The following LETMD1 variants were observed in gnomAD, a reference collection of about 807,000 sequenced individuals.
The protein encoded by LETMD1 is LETM1 domain containing 1, also known as LETM1 domain-containing protein 1.
A neutral mutation model predicts 43.9 loss-of-function variants in LETMD1; 30 were observed. That is an observed-to-expected ratio of 0.68 (90% CI 0.51 to 0.93). The LOEUF (loss-of-function observed/expected upper bound fraction) is 0.93. Ranked by LOEUF, LETMD1 falls within the 40% of genes least tolerant of loss-of-function variation. LETMD1 has a pLI of 0.00. For missense variants in LETMD1, 413 were observed against 447.7 expected, an observed-to-expected ratio of 0.92 and a Z score of 0.70; for synonymous variants, 176 against 163.1, an observed-to-expected ratio of 1.08 and a Z score of -0.60.
At chr12:51,058,404 G>C (rs951767133) in intron 8 of LETMD1, 2 of 393,450 alleles carry the variant, frequency 5.1e-6, no homozygotes, top group Admixed American at 8.3e-5. Flanking sequence ...GGAATATCCT[G>C]TGCTTTATTT....
downstream of LETMD1, chr12:51,063,645 A>G: frequency 1.1e-6 from 1 of 929,906 alleles, no homozygotes; most frequent in Non-Finnish European, 1.6e-6. Flanking sequence ...ATAAAATAAC[A>G]TGGGAGCAGC....
At chr12:51,049,485 G>A (rs561359760) in intron 2 of LETMD1, 6 of 296,646 alleles carry the variant, frequency 2.0e-5, no homozygotes, top group South Asian at 2.0e-4. Flanking sequence ...CCTTGCACAC[G>A]GCAGGGATCT....
intron 8 of LETMD1, 32 bp from the exon 9 acceptor site, chr12:51,059,329 C>G: frequency 1.2e-6 from 2 of 1,604,346 alleles, no homozygotes; most frequent in Non-Finnish European, 1.7e-6. Context: ...AGGCAGTGTT[C>G]CCAAGCCAAA....
downstream of LETMD1, chr12:51,062,499 G>C (rs1937677303): frequency 6.6e-6 from 1 of 152,202 alleles, no homozygotes; most frequent in African/African-American, 2.4e-5. Flanking sequence ...GAATCAAACT[G>C]AATGAGTTCC....
At chr12:51,048,566 A>C in intron 1 of LETMD1, 88 bp downstream of exon 1, 17 of 1,515,562 alleles carry the variant, frequency 1.1e-5, no homozygotes, top group Non-Finnish European at 1.5e-5. Context: ...CTTAATTCTC[A>C]GAGTTCCACG....
chr12:51,063,832 C>T (rs1281956094), downstream of LETMD1: 3 of 1,613,784 alleles, frequency 1.9e-6, no homozygotes, highest in East Asian at 4.5e-5. Context: ...CCACAGCCCT[C>T]TTCATTGTCC....
chr12:51,054,239 A>G (rs1000024743), intron 4 of LETMD1, among the ~76,000 whole-genome samples: 3 of 152,206 alleles, frequency 2.0e-5, no homozygotes, highest in Admixed American at 6.5e-5. Flanking sequence ...CAAAAATGAC[A>G]TTTCTTAACT....
At chr12:51,065,268 G>A (rs537369166), downstream of LETMD1, among the ~76,000 whole-genome samples, 2 of 152,300 alleles carry the variant, frequency 1.3e-5, no homozygotes, top group East Asian at 3.9e-4. Context: ...TTCCCTGAGG[G>A]TTGACTAGTT....
At chr12:51,063,472 A>G, downstream of LETMD1, 1 of 238,906 alleles carries the variant, frequency 4.2e-6, no homozygotes, top group Middle Eastern at 1.3e-3. Context: ...GTGAGATCCT[A>G]GTTCTTTGTT....
downstream of LETMD1, chr12:51,064,805 A>T: frequency 1.6e-6 from 1 of 621,428 alleles, no homozygotes; most frequent in East Asian, 2.9e-5. Context: ...TTCAAAGCAT[A>T]GCATGCAGTG....
chr12:51,061,539 C>CT (rs779049916), downstream of LETMD1: 14 of 152,616 alleles, frequency 9.2e-5, no homozygotes, highest in Non-Finnish European at 1.8e-4. Flanking sequence ...TAGAGAAGGC[C>CT]TTTCGCTTGA....
At chr12:51,062,788 C>CTCA (rs1169921782), downstream of LETMD1, 1 of 152,356 alleles carries the variant, frequency 6.6e-6, no homozygotes, top group African/African-American at 2.4e-5. Flanking sequence ...AAGCTCAGAT[C>CTCA]TCACAAAGAG....
At chr12:51,068,042 A>G in the LETMD1 span, 1 of 1,421,054 alleles carries the variant, frequency 7.0e-7, no homozygotes, top group Non-Finnish European at 9.8e-7. Flanking sequence ...ATCCCAGAGC[A>G]GCACTGTCCC....
At position 51,059,544 on chromosome 12, in the gene LETMD1, G is replaced by A. The variant is rs938456592; in HGVS notation, c.*113G>A. The A allele has an allele frequency of 1.3e-4, 117 of 921,220 alleles. No homozygotes were observed. The highest frequency in any genetic ancestry group is 2.0e-4 in the Non-Finnish European group (115 of 567,188). 57.1% of individuals were successfully genotyped at this position (921,220 alleles called of 1,614,324 possible). A position where few individuals can be genotyped will look rare whatever the true frequency, so the allele number is the denominator to read the frequency against. The stretch of plus-strand genomic sequence containing the variant: ...TACTGTTAAGTGTGTGGGAGGCAGA[G>A]AGAGGAGCAGGGGCCATGGGCTTCA... On this transcript the variant is annotated 3_prime_UTR_variant, in exon 9 of 9. Transcript: ENST00000262055.
At chr12:51,056,741 G>C in intron 7 of LETMD1, 1 of 329,832 alleles carries the variant, frequency 3.0e-6, no homozygotes, top group South Asian at 3.9e-5. Context: ...TGCAACCTCT[G>C]CCTCCCGGTT....
At position 51,053,858 on chromosome 12, in the gene LETMD1, A is replaced by G. The variant is rs780849158; in HGVS notation, c.471A>G (p.Leu157=). 1 of 1,598,782 alleles carries G rather than the reference A, an allele frequency of 6.3e-7. No homozygotes were observed. The highest frequency in any genetic ancestry group is 1.1e-5 in the South Asian group (1 of 90,532). Residue 157 remains leucine, a splice_region_variant and synonymous_variant, in exon 4 of 9, where the codon CTA becomes CTG. Transcript: ENST00000262055. ...TTGCCAACTACCTGGTCTTCTTGCT[A>G]ATGTGAGTACAGACTTCCATCTCCC... The part of the protein sequence containing the change: ...PPFANYLVFL[L]MYLFPRQLLI...
At chr12:51,049,922 G>GT (rs1372223757) in intron 2 of LETMD1, among the ~76,000 whole-genome samples, 1 of 152,198 alleles carries the variant, frequency 6.6e-6, no homozygotes, top group Admixed American at 6.6e-5. Flanking sequence ...TCATCTAAAT[G>GT]TTACCTAACA....
chr12:51,051,220 A>G (rs1325499963), intron 2 of LETMD1, among the ~76,000 whole-genome samples: 1 of 150,040 alleles, frequency 6.7e-6, no homozygotes, highest in Admixed American at 6.7e-5. Context: ...CCTGGCCAAC[A>G]TGGTGAAACC....
chr12:51,056,489 A>G lies in LETMD1; in HGVS notation c.902A>G (p.Gln301Arg). The G allele has an allele frequency of 6.2e-7, 1 of 1,614,194 alleles. No homozygotes were observed. Among genetic ancestry groups the G allele is most frequent in the Non-Finnish European group, 8.5e-7 (1 of 1,180,026 alleles). ...AKLGIGQLTAQEVKSACYLRG... is the reference protein window; with the variant it reads ...AKLGIGQLTAREVKSACYLRG... ...CTGGGGATTGGCCAGCTGACTGCTC[A>G]GGAAGTAAAATCGGTAAGAGCTTGA... The change falls in exon 7 of 9, where the codon CAG becomes CGG. Residue 301 changes from glutamine to arginine, a missense_variant. Coordinates refer to ENST00000262055, the MANE Select transcript of LETMD1 (RefSeq NM_015416.5).
Sources: gnomAD v4.1 joint callset for allele counts (sites outside exome capture counted in the v4.1 genomes callset) on GRCh38, gnomAD v4.1.1 for gene constraint, MANE v1.5 for transcripts, NCBI Gene and HGNC (gene_info 2026-07-23, HGNC 2026-07-21) for gene names.